Variants in ZFHX2 observed in about 807,000 individuals in gnomAD.
ZFHX2 encodes the protein zinc finger homeobox protein 2.
A neutral mutation model predicts 164.8 loss-of-function variants in ZFHX2; 75 were observed. The observed-to-expected ratio is 0.46, with a 90% confidence interval of 0.38 to 0.55. The LOEUF (loss-of-function observed/expected upper bound fraction) is 0.55. Among genes scored for constraint, ZFHX2 ranks in the 20% least tolerant of loss-of-function variants. The pLI is 0.00. For missense variants in ZFHX2, 2,933 were observed against 3,308.0 expected, an observed-to-expected ratio of 0.89 and a Z score of 2.78; for synonymous variants, 1,217 against 1,351.4, an observed-to-expected ratio of 0.90 and a Z score of 2.18.
At position 23,534,096 on chromosome 14, in the gene ZFHX2, T is replaced by C; in HGVS notation, c.1230A>G (p.Glu410=). 1 of 1,498,966 alleles carries C rather than the reference T, an allele frequency of 6.7e-7. No homozygotes were observed. 92.9% of individuals were successfully genotyped at this position (1,498,966 alleles called of 1,614,324 possible). A position where few individuals can be genotyped will look rare whatever the true frequency, so the allele number is the denominator to read the frequency against. ...AGGGCTGGGGTGGGTCACTGGGGTC[T>C]TCGGGGGAGCCCACTGGGGCAGGGA... is the stretch of plus-strand genomic sequence containing the variant. ...GTLPAPVGSP[E]DPSDPPQPYR... The change falls in exon 2 of 10, where the codon GAA becomes GAG. Residue 410 remains glutamate (E), a synonymous_variant. Transcript: ENST00000419474. The surrounding 1 kb of genome is among the most constrained non-coding windows in gnomAD (Gnocchi z 4.5).
At position 23,524,817 on chromosome 14, in the gene ZFHX2, C is replaced by G; in HGVS notation, c.5125G>C (p.Glu1709Gln). ...TCTTCTTCCACCTCTTCCTCCTCTT[C>G]CCCTCTCTCTGCCTCTTCCTCCTCC... ...EEEEEEAERG[E>Q]EEEEVEEEEV... Residue 1709 changes from glutamate (E) to glutamine (Q), a missense_variant, in exon 9 of 10, where the codon GAA (glutamate) becomes CAA (glutamine). Coordinates refer to ENST00000419474, the MANE Select transcript of ZFHX2 (RefSeq NM_033400.3). This position sits in a 1 kb window ranked among gnomAD's most constrained non-coding sequence, Gnocchi z 5.6. The G allele has an allele frequency of 6.5e-7, 1 of 1,537,120 alleles. No individual in the cohort carries two copies.
In ZFHX2 at chr14:23,533,309, G is replaced by A. The variant is rs1176624862; in HGVS notation, c.2017C>T (p.Pro673Ser). Residue 673 changes from proline (P) to serine (S), a missense_variant, in exon 2 of 10, where the codon CCT (proline) becomes TCT (serine). Transcript: ENST00000419474. The surrounding 1 kb of genome is among the most constrained non-coding windows in gnomAD (Gnocchi z 4.8). ...LLNGFHHVGA[P>S]ARKFPTSAPG... Reference sequence around the variant, plus strand: ...CCGGATGTGGGGAACTTGCGGGCAGGTGCTCCTACGTGGTGGAAACCATTG... The same window carrying A: ...CCGGATGTGGGGAACTTGCGGGCAGATGCTCCTACGTGGTGGAAACCATTG... 1 of 1,437,012 alleles carries A rather than the reference G, an allele frequency of 7.0e-7. No homozygotes were observed. The highest frequency in any genetic ancestry group is 9.1e-7 in the Non-Finnish European group (1 of 1,099,568). The allele number at this position is 1,437,012 out of a possible 1,614,324, so 89.0% of individuals were successfully genotyped here.
intron 6 of ZFHX2, 97 bp from the exon 7 acceptor site, chr14:23,527,901 C>CTTTT (rs745574496): frequency 6.2e-5 from 28 of 448,856 alleles, no homozygotes; most frequent in Admixed American, 1.2e-4. Flanking sequence ...GCCCCCACTC[C>CTTTT]TTTTTTTTTT....
Position 23,525,977 on chromosome 14 carries a change from A to C in ZFHX2, c.3965T>G (p.Phe1322Cys). 6.6e-7 allele frequency: 1 copy of C among 1,514,776 alleles called. No homozygotes were observed. Among genetic ancestry groups the C allele is most frequent in the Non-Finnish European group, 8.8e-7 (1 of 1,135,544 alleles). The allele number at this position is 1,514,776 out of a possible 1,614,324, so 93.8% of individuals were successfully genotyped here. ...CAAGGGAGGTGGGGGAGGGGACAGGAAAGGCAATCCAGATATGAAGCCACT... is the reference window on the plus strand; with the variant it reads ...CAAGGGAGGTGGGGGAGGGGACAGGCAAGGCAATCCAGATATGAAGCCACT... ...DTSGFISGLP[F>C]LSPPPPPLDL... The change falls in exon 9 of 10, where the codon TTC (phenylalanine) becomes TGC (cysteine). Residue 1322 changes from phenylalanine to cysteine, a missense_variant. Coordinates refer to ENST00000419474, the MANE Select transcript of ZFHX2 (RefSeq NM_033400.3). This position sits in a 1 kb window ranked among gnomAD's most constrained non-coding sequence, Gnocchi z 5.9.
intron 4 of ZFHX2, 101 bp downstream of exon 4, chr14:23,531,380 C>T (rs1316879559): frequency 5.3e-6 from 7 of 1,331,652 alleles, no homozygotes; most frequent in Non-Finnish European, 6.7e-6. Context: ...CCTACAGGCC[C>T]TCTTCGCCTT....
chr14:23,525,498 A>G lies in ZFHX2; in HGVS notation c.4444T>C (p.Cys1482Arg). Residue 1482 changes from cysteine to arginine, a missense_variant, in exon 9 of 10, where the codon TGT becomes CGT. Physicochemically the swap from Cys to Arg is radical, Grantham distance 180. Transcript: ENST00000419474. This position sits in a 1 kb window ranked among gnomAD's most constrained non-coding sequence, Gnocchi z 5.9. ...GAGAAGAGTTTCCCACAGGCCCCAC[A>G]GGCCAGCTTGTCCCCACCCCCGAGG... ...EALGGGDKLA[C>R]GACGKLFSNM... The G allele has an allele frequency of 6.5e-7, 1 of 1,535,784 alleles. No individual in the cohort carries two copies. The highest frequency in any genetic ancestry group is 2.0e-5 in the Admixed American group (1 of 51,004).
chr14:23,532,996 T>TGG lies in ZFHX2; in HGVS notation c.2128_2129dup (p.Asp711GlnfsTer7). 6.5e-7 allele frequency: 1 copy of TGG among 1,536,116 alleles called. No homozygotes were observed. The highest frequency in any genetic ancestry group is 8.7e-7 in the Non-Finnish European group (1 of 1,146,896). On this transcript the variant is annotated frameshift_variant, in exon 3 of 10. Coordinates refer to ENST00000419474, the MANE Select transcript of ZFHX2 (RefSeq NM_033400.3). LOFTEE classifies it high-confidence loss of function. ...ACACCTTCAGGGACAGGCTGTCGTC[T>TGG]GGGGGTGGTGAGGTGGGCAGGCTGT... is the stretch of plus-strand genomic sequence containing the variant.
At chr14:23,541,022 A>G (rs1189424039) in intron 1 of ZFHX2, among the ~76,000 whole-genome samples, 1 of 151,754 alleles carries the variant, frequency 6.6e-6, no homozygotes, top group African/African-American at 2.4e-5. Flanking sequence ...TCTCCCTGCC[A>G]TAGCCTCCCG....
At chr14:23,544,646 G>A (rs1001833616) in intron 1 of ZFHX2, among the ~76,000 whole-genome samples, 1 of 152,186 alleles carries the variant, frequency 6.6e-6, no homozygotes, top group African/African-American at 2.4e-5. Flanking sequence ...CCCGGCTGGC[G>A]CGGGCGTGTT....
intron 1 of ZFHX2, among the ~76,000 whole-genome samples, chr14:23,537,860 AC>A (rs1299577137): frequency 6.6e-6 from 1 of 151,950 alleles, no homozygotes; most frequent in Non-Finnish European, 1.5e-5. Flanking sequence ...CCCTTCCACT[AC>A]CCCACCTGGT....
Position 23,534,716 on chromosome 14 carries a change from G to A in ZFHX2, c.610C>T (p.His204Tyr), listed in dbSNP as rs781777540. The change falls in exon 2 of 10, where the codon CAT becomes TAT. Residue 204 changes from histidine to tyrosine, a missense_variant. By Grantham distance (83) the His-to-Tyr change is moderately conservative. Transcript: ENST00000419474. This position sits in a 1 kb window ranked among gnomAD's most constrained non-coding sequence, Gnocchi z 4.5. ...APSPAACEER[H>Y]GAFWSYQLAP... ...AGCTGGTAGCTCCAGAAAGCTCCATGCCTTTCCTCACAGGCAGCCGGAGAT... is the reference window on the plus strand; with the variant it reads ...AGCTGGTAGCTCCAGAAAGCTCCATACCTTTCCTCACAGGCAGCCGGAGAT... 7.2e-6 allele frequency: 11 copies of A among 1,536,186 alleles called. No homozygotes were observed. The highest frequency in any genetic ancestry group is 7.1e-5 in the South Asian group (6 of 84,058).
Position 23,524,374 on chromosome 14 carries a change from C to T in ZFHX2, c.5568G>A (p.Arg1856=). Residue 1856 remains arginine, a synonymous_variant, in exon 9 of 10, where the codon AGG becomes AGA. Transcript: ENST00000419474. This position sits in a 1 kb window ranked among gnomAD's most constrained non-coding sequence, Gnocchi z 5.6. ...AGGGGEGEPP[R]DKRLRTTILP... ...AGATGGTGGTGCGCAGGCGCTTGTCCCTGGGGGGCTCGCCCTCCCCTCCTC... is the reference window on the plus strand; with the variant it reads ...AGATGGTGGTGCGCAGGCGCTTGTCTCTGGGGGGCTCGCCCTCCCCTCCTC... 14 of 1,536,230 alleles carry T rather than the reference C, an allele frequency of 9.1e-6. No individual in the cohort carries two copies. Among genetic ancestry groups the T allele is most frequent in the Non-Finnish European group, 1.2e-5 (14 of 1,146,932 alleles).
upstream of ZFHX2, chr14:23,551,772 T>C (rs1337663334): frequency 6.6e-6 from 1 of 152,352 alleles, no homozygotes; most frequent in Admixed American, 6.6e-5. The surrounding 1 kb of genome is among the most constrained non-coding windows in gnomAD (Gnocchi z 5.3). Flanking sequence ...GAATAATCAA[T>C]ACCCAGGCGC....
intron 1 of ZFHX2, among the ~76,000 whole-genome samples, chr14:23,550,131 C>T (rs2138936567): frequency 6.6e-6 from 1 of 152,246 alleles, no homozygotes; most frequent in South Asian, 2.1e-4. Context: ...ACGCATGAGA[C>T]CAGAAGGTGA....
chr14:23,533,866 C>T lies in ZFHX2; in HGVS notation c.1460G>A (p.Ser487Asn). ...AAGGCGGGGGTGGGCGCCCCCAGCA[C>T]TGCAGTAGCTGCAGTGACTGTTGCT... ...PESNSHCSYCSAGGAHPRLAR... is the reference protein window; with the variant it reads ...PESNSHCSYCNAGGAHPRLAR... The change falls in exon 2 of 10, where the codon AGT (serine) becomes AAT (asparagine). Residue 487 changes from serine to asparagine, a missense_variant. By Grantham distance (46) the Ser-to-Asn change is conservative. Coordinates refer to ENST00000419474, the MANE Select transcript of ZFHX2 (RefSeq NM_033400.3). This position sits in a 1 kb window ranked among gnomAD's most constrained non-coding sequence, Gnocchi z 4.8. 1 of 1,538,104 alleles carries T rather than the reference C, an allele frequency of 6.5e-7. No homozygotes were observed. Among genetic ancestry groups the T allele is most frequent in the Non-Finnish European group, 8.7e-7 (1 of 1,147,398 alleles).
At chr14:23,527,435 G>A (rs976128326) in intron 7 of ZFHX2, among the ~76,000 whole-genome samples, 169 bp downstream of exon 7, 1 of 151,934 alleles carries the variant, frequency 6.6e-6, no homozygotes, top group Admixed American at 6.6e-5. Context: ...CTCCTGGATG[G>A]CCCTAACAAG....
Position 23,521,916 on chromosome 14 carries a change from G to T in ZFHX2, c.*46C>A. On this transcript the variant is annotated 3_prime_UTR_variant, in exon 10 of 10. Transcript: ENST00000419474. ...CCACCGAACACCCCTTGGGGTAAAA[G>T]AGGGAGCCCTGAGGCCCTCCCCTCT... 3.9e-6 allele frequency: 6 copies of T among 1,533,166 alleles called. No individual in the cohort carries two copies. The highest frequency in any genetic ancestry group is 5.2e-6 in the Non-Finnish European group (6 of 1,145,928). The allele number at this position is 1,533,166 out of a possible 1,614,324, so 95.0% of individuals were successfully genotyped here. A position where few individuals can be genotyped will look rare whatever the true frequency, so the allele number is the denominator to read the frequency against.
intron 1 of ZFHX2, among the ~76,000 whole-genome samples, chr14:23,550,489 GGTCACAA>G (rs1239840175): frequency 6.6e-6 from 1 of 152,162 alleles, no homozygotes; most frequent in Non-Finnish European, 1.5e-5. Context: ...AGATGGGAAG[GGTCACAA>G]GTGGAGACAG....
rs1415078181 is a variant in ZFHX2, at chr14:23,533,068, G to T, written c.2058C>A (p.Ser686=). Reference sequence around the variant, plus strand: ...GACTTGGAGGCAGGTGGGCATCAGGGGATAGGCTTCCAGGGGCTAGAGGAC... The same window carrying T: ...GACTTGGAGGCAGGTGGGCATCAGGTGATAGGCTTCCAGGGGCTAGAGGAC... ...KFPTSAPGSL[S]PDAHLPPSQL... The change falls in exon 3 of 10, where the codon TCC becomes TCA. Residue 686 remains serine (S), a synonymous_variant. Coordinates refer to ENST00000419474, the MANE Select transcript of ZFHX2 (RefSeq NM_033400.3). This position sits in a 1 kb window ranked among gnomAD's most constrained non-coding sequence, Gnocchi z 4.8. 5 of 1,530,510 alleles carry T rather than the reference G, an allele frequency of 3.3e-6. No individual in the cohort carries two copies. In the Admixed American group the frequency reaches 9.8e-5, roughly 30 times the overall value. 94.8% of individuals were successfully genotyped at this position (1,530,510 alleles called of 1,614,324 possible). A position where few individuals can be genotyped will look rare whatever the true frequency, so the allele number is the denominator to read the frequency against.
Sources: allele counts gnomAD v4.1 joint callset (sites outside exome capture counted in the v4.1 genomes callset), GRCh38; gene constraint gnomAD v4.1.1; non-coding constraint Gnocchi (gnomAD v3.1); transcripts MANE v1.5; gene names NCBI Gene and HGNC (gene_info 2026-07-23, HGNC 2026-07-21).